The following CNTN6 variants were observed in gnomAD, a reference collection of about 807,000 sequenced individuals.
The protein encoded by CNTN6 is contactin 6, also known as contactin-6.
Under a neutral mutation model 122.8 loss-of-function variants are expected in CNTN6, and 137 were observed. The ratio of observed to expected loss-of-function variants is 1.12; its 90% CI spans 0.97 to 1.29. The LOEUF is 1.29. Among genes scored for constraint, CNTN6 ranks in the 50% most tolerant of loss-of-function variants. The pLI is 0.00. For synonymous variants in CNTN6, 570 were observed against 426.0 expected, an observed-to-expected ratio of 1.34 and a Z score of -4.16; for missense variants, 1,634 against 1,223.4, an observed-to-expected ratio of 1.34 and a Z score of -5.01.
intron 4 of CNTN6, among the ~76,000 whole-genome samples, chr3:1,249,280 T>C (rs775125917): frequency 1.1e-4 from 16 of 152,222 alleles, no homozygotes; most frequent in Non-Finnish European, 2.2e-4. Flanking sequence ...AACTATCCAT[T>C]TATGCATCCA....
intron 2 of CNTN6, among the ~76,000 whole-genome samples, chr3:1,169,323 T>A (rs2093318170): frequency 6.6e-6 from 1 of 152,142 alleles, no homozygotes; most frequent in Admixed American, 6.5e-5. Context: ...TGGTCAGGTG[T>A]GGGGAAGGAG....
intron 17 of CNTN6, among the ~76,000 whole-genome samples, chr3:1,377,439 T>A (rs1287366829): frequency 6.6e-6 from 1 of 152,166 alleles, no homozygotes; most frequent in East Asian, 1.9e-4. Flanking sequence ...CAAAAAATAG[T>A]TCTTGTCCTA....
intron 7 of CNTN6, among the ~76,000 whole-genome samples, chr3:1,306,919 G>A (rs536569): frequency 0.28 from 42,050 of 152,012 alleles, 8,966 homozygotes; most frequent in African/African-American, 0.6. Context: ...AGTTACTGAC[G>A]TTTCCTCACT....
intron 4 of CNTN6, among the ~76,000 whole-genome samples, chr3:1,267,722 T>C (rs2094949150): frequency 1.3e-5 from 2 of 152,176 alleles, no homozygotes; most frequent in Admixed American, 6.5e-5. Context: ...TTTATAAAAA[T>C]TAACAAGTGG....
chr3:1,359,653 G>A lies in CNTN6; in HGVS notation c.1492+7202G>A, dbSNP rs1324548592. 2.0e-5 allele frequency among the ~76,000 whole-genome samples: 3 copies of A among 152,082 alleles called. No homozygotes were observed. The East Asian group carries it at 5.8e-4, about 29-fold the overall frequency. ...TAATCTGTAGATACACGTGTGAGCA[G>A]ATAATCATGCACTTGTCTAAGAGGA... On this transcript the variant is annotated intron_variant, in intron 12 of 22. Coordinates refer to ENST00000446702, the MANE Select transcript of CNTN6 (RefSeq NM_001289080.2).
In CNTN6 at chr3:1,241,456, C is replaced by T. The variant is rs1437683995; in HGVS notation, c.358+13463C>T. 2.0e-5 allele frequency among the ~76,000 whole-genome samples: 3 copies of T among 152,006 alleles called. No homozygotes were observed. In the East Asian group the frequency reaches 5.8e-4, roughly 30 times the overall value. ...GATATTGTGCGGATGTTAGAAGAAA[C>T]ATTTGTCGTATAGAATGATTGGTGA... On this transcript the variant is annotated intron_variant, in intron 4 of 22. Transcript: ENST00000446702.
intron 1 of CNTN6, among the ~76,000 whole-genome samples, chr3:1,137,762 C>T (rs1387856493): frequency 1.3e-5 from 2 of 152,104 alleles, no homozygotes; most frequent in Non-Finnish European, 2.9e-5. Flanking sequence ...TCTAAAGTCA[C>T]AAAGCTATTA....
At chr3:1,189,848 T>G (rs889460029) in intron 2 of CNTN6, among the ~76,000 whole-genome samples, 1 of 152,158 alleles carries the variant, frequency 6.6e-6, no homozygotes, top group East Asian at 1.9e-4. Flanking sequence ...TTCCATCCCC[T>G]CTTTTTACAG....
chr3:1,206,815 C>G (rs2093964095), intron 2 of CNTN6, among the ~76,000 whole-genome samples: 1 of 152,108 alleles, frequency 6.6e-6, no homozygotes, highest in Non-Finnish European at 1.5e-5. Flanking sequence ...ATTTGCCTAG[C>G]TTCCCTATTT....
intron 7 of CNTN6, among the ~76,000 whole-genome samples, chr3:1,308,287 T>TGTG (rs1698678653): frequency 6.9e-6 from 1 of 144,826 alleles, no homozygotes; most frequent in Non-Finnish European, 1.5e-5. Flanking sequence ...ATGGGGTGTT[T>TGTG]TGTGTGTGTG....
chr3:1,360,900 CA>C (rs1338055100), intron 12 of CNTN6, among the ~76,000 whole-genome samples: 1 of 152,008 alleles, frequency 6.6e-6, no homozygotes, highest in African/African-American at 2.4e-5. Flanking sequence ...TTGTTTAGAC[CA>C]AATCCTTGAG....
intron 12 of CNTN6, among the ~76,000 whole-genome samples, chr3:1,369,381 GTTTTT>G (rs5846111): frequency 7.3e-6 from 1 of 137,528 alleles, no homozygotes; most frequent in Admixed American, 7.3e-5. Context: ...CTTGCTGCGG[GTTTTT>G]TTTTTTTTTT....
At chr3:1,270,625 C>T (rs1323071194) in intron 4 of CNTN6, among the ~76,000 whole-genome samples, 3 of 152,204 alleles carry the variant, frequency 2.0e-5, no homozygotes, top group African/African-American at 7.2e-5. Context: ...ACTCCAGAAC[C>T]AGCTTTCAGT....
intron 2 of CNTN6, among the ~76,000 whole-genome samples, chr3:1,185,813 C>G: frequency 6.6e-6 from 1 of 152,068 alleles, no homozygotes. Context: ...TTAGTAATAA[C>G]AACTTGTGAG....
intron 5 of CNTN6, among the ~76,000 whole-genome samples, chr3:1,292,446 T>C (rs1392211805): frequency 6.6e-6 from 1 of 152,202 alleles, no homozygotes; most frequent in Non-Finnish European, 1.5e-5. Flanking sequence ...AATATTTCAG[T>C]CAATTGCATG....
chr3:1,192,018 G>A (rs777184468), intron 2 of CNTN6, among the ~76,000 whole-genome samples: 8 of 152,000 alleles, frequency 5.3e-5, no homozygotes, highest in East Asian at 3.9e-4. Flanking sequence ...ACTTTATTGC[G>A]GTGCCGTGCT....
intron 1 of CNTN6, among the ~76,000 whole-genome samples, chr3:1,095,091 TA>T (rs888321428): frequency 4.0e-5 from 6 of 151,764 alleles, no homozygotes; most frequent in Non-Finnish European, 5.9e-5. Flanking sequence ...ATACACCTTT[TA>T]AAAAATAAAT....
At chr3:1,120,529 C>T (rs1365851584) in intron 1 of CNTN6, among the ~76,000 whole-genome samples, 4 of 151,764 alleles carry the variant, frequency 2.6e-5, no homozygotes, top group Non-Finnish European at 4.4e-5. Flanking sequence ...CTATTTGCTT[C>T]TTTTTAATAT....
At chr3:1,351,409 CTAA>C (rs1211659348) in intron 11 of CNTN6, among the ~76,000 whole-genome samples, 2 of 151,874 alleles carry the variant, frequency 1.3e-5, no homozygotes, top group African/African-American at 4.8e-5. Context: ...TGACTACCTA[CTAA>C]TGTTTTTAAA....
Sources: allele counts gnomAD v4.1 joint callset (sites outside exome capture counted in the v4.1 genomes callset), GRCh38; gene constraint gnomAD v4.1.1; transcripts MANE v1.5; gene names NCBI Gene and HGNC (gene_info 2026-07-23, HGNC 2026-07-21).